The following WIPF3 variants were observed in gnomAD, a reference collection of about 807,000 sequenced individuals.
WIPF3 encodes WAS/WASL interacting protein family member 3.
In WIPF3, 33 loss-of-function variants were observed where a neutral mutation model predicts 38.9. The observed-to-expected ratio is 0.85, with a 90% CI of 0.64 to 1.14. The LOEUF (loss-of-function observed/expected upper bound fraction) is 1.14. Among genes scored for constraint, WIPF3 ranks in the 50% most tolerant of loss-of-function variants. WIPF3 has a pLI of 0.00. For synonymous variants in WIPF3, 324 were observed against 269.3 expected, an observed-to-expected ratio of 1.20 and a Z score of -1.99; for missense variants, 711 against 652.5, an observed-to-expected ratio of 1.09 and a Z score of -0.98.
intron 1 of WIPF3, among the ~76,000 whole-genome samples, chr7:29,807,426 C>G (rs1225200396): frequency 6.6e-6 from 1 of 152,178 alleles, no homozygotes; most frequent in Non-Finnish European, 1.5e-5. Flanking sequence ...TTCCCCCAGC[C>G]CCTGACACGC....
At chr7:29,811,693 C>G (rs1784381804) in intron 1 of WIPF3, among the ~76,000 whole-genome samples, 1 of 152,166 alleles carries the variant, frequency 6.6e-6, no homozygotes, top group South Asian at 2.1e-4. Flanking sequence ...TCAACATCAT[C>G]CCTGCCATAA....
chr7:29,895,562 A>G (rs1260398305), intron 7 of WIPF3, among the ~76,000 whole-genome samples: 1 of 152,236 alleles, frequency 6.6e-6, no homozygotes, highest in Non-Finnish European at 1.5e-5. Context: ...GTTATAAAGA[A>G]ATACTTGAAA....
chr7:29,872,028 A>G (rs1785504936), intron 2 of WIPF3, among the ~76,000 whole-genome samples: 1 of 152,202 alleles, frequency 6.6e-6, no homozygotes, highest in Non-Finnish European at 1.5e-5. Flanking sequence ...ACAAGAGTGA[A>G]CTTGGAAGTA....
At chr7:29,857,755 A>G (rs1785208807) in intron 2 of WIPF3, among the ~76,000 whole-genome samples, 1 of 152,150 alleles carries the variant, frequency 6.6e-6, no homozygotes, top group East Asian at 1.9e-4. Flanking sequence ...CTGTGTGTAT[A>G]TGTGATTTAA....
intron 2 of WIPF3, among the ~76,000 whole-genome samples, chr7:29,865,371 C>T (rs1314369983): frequency 2.6e-5 from 4 of 152,168 alleles, no homozygotes; most frequent in Non-Finnish European, 5.9e-5. Context: ...GAACTGACCC[C>T]TGAACTCAGC....
intron 4 of WIPF3, 30 bp from the exon 5 acceptor site, chr7:29,883,820 G>A: frequency 6.6e-7 from 1 of 1,511,086 alleles, no homozygotes; most frequent in Non-Finnish European, 8.9e-7. Flanking sequence ...CTTTATTGCC[G>A]AGCTAACCCA....
At chr7:29,864,909 G>A (rs1025728630) in intron 2 of WIPF3, among the ~76,000 whole-genome samples, 2 of 152,084 alleles carry the variant, frequency 1.3e-5, no homozygotes, top group African/African-American at 2.4e-5. Context: ...TCTTTTTATT[G>A]GATCTCTGGC....
chr7:29,833,303 G>A (rs1562773122), intron 1 of WIPF3, among the ~76,000 whole-genome samples: 1 of 152,230 alleles, frequency 6.6e-6, no homozygotes, highest in Non-Finnish European at 1.5e-5. Context: ...TACTTAAAAG[G>A]AGTTAAAATG....
chr7:29,857,411 A>G (rs1785203013), intron 2 of WIPF3, among the ~76,000 whole-genome samples: 2 of 152,284 alleles, frequency 1.3e-5, no homozygotes, highest in East Asian at 3.9e-4. Flanking sequence ...TTCCACAAAA[A>G]GTTGAGACAG....
Position 29,879,115 on chromosome 7 carries a change from A to T in WIPF3, c.330A>T (p.Arg110=). 2 of 1,612,512 alleles carry T rather than the reference A, an allele frequency of 1.2e-6. No homozygotes were observed. Among genetic ancestry groups the T allele is most frequent in the South Asian group, 1.1e-5 (1 of 90,748 alleles). Residue 110 remains arginine, a synonymous_variant, in exon 4 of 9, where the codon CGA becomes CGT. Transcript: ENST00000242140. ...DLFAGGFPVL[R]PAGQRDVAGG... ...TTGCTGGTGGCTTTCCTGTATTGCGACCAGCAGGCCAGCGGGATGTAGCAG... is the reference window on the plus strand; with the variant it reads ...TTGCTGGTGGCTTTCCTGTATTGCGTCCAGCAGGCCAGCGGGATGTAGCAG...
intron 2 of WIPF3, among the ~76,000 whole-genome samples, chr7:29,836,072 G>T (rs1179122988): frequency 6.6e-6 from 1 of 152,206 alleles, no homozygotes; most frequent in Non-Finnish European, 1.5e-5. Flanking sequence ...CTTGGCTCTT[G>T]CCCTGCAAGA....
rs760468615 is a variant in WIPF3 at position 29,875,850 on chromosome 7, C to A, written c.111C>A (p.Ser37Arg). Residue 37 changes from serine to arginine, a missense_variant, in exon 3 of 9, where the codon AGC (serine) becomes AGA (arginine). Coordinates refer to ENST00000242140, the MANE Select transcript of WIPF3 (RefSeq NM_001080529.3). ...SAPPVSTDTSSLRRADPKGRS... is the reference protein window; with the variant it reads ...SAPPVSTDTSRLRRADPKGRS... Reference sequence around the variant, plus strand: ...TACAGGTAAGCACAGACACCTCCAGCTTGCGAAGGGCAGATCCGAAAGGCC... The same window carrying A: ...TACAGGTAAGCACAGACACCTCCAGATTGCGAAGGGCAGATCCGAAAGGCC... 1 of 1,614,050 alleles carries A rather than the reference C, an allele frequency of 6.2e-7. No individual in the cohort carries two copies. The highest frequency in any genetic ancestry group is 8.5e-7 in the Non-Finnish European group (1 of 1,179,878).
intron 5 of WIPF3, among the ~76,000 whole-genome samples, chr7:29,887,222 G>A (rs1785901568): frequency 6.6e-6 from 1 of 152,174 alleles, no homozygotes; most frequent in Non-Finnish European, 1.5e-5. Flanking sequence ...TCAAAATAAG[G>A]GCAATTTCTA....
In WIPF3 at chr7:29,844,058, G is replaced by T. The variant is rs1377767701; in HGVS notation, c.90+9244G>T. Among the ~76,000 whole-genome samples the T allele has an allele frequency of 2.0e-5, 3 of 152,146 alleles. No homozygotes were observed. The highest frequency in any genetic ancestry group is 4.4e-5 in the Non-Finnish European group (3 of 68,032). ...TTAATAAAAGGACAGGTAACATGAA[G>T]TGAGAAAAACAGGATACATGTAGAC... On this transcript the variant is annotated intron_variant, in intron 2 of 8. Coordinates refer to ENST00000242140, the MANE Select transcript of WIPF3 (RefSeq NM_001080529.3). The surrounding 1 kb of genome is among the most constrained non-coding windows in gnomAD (Gnocchi z 4.8).
At position 29,884,386 on chromosome 7, in the gene WIPF3, C is replaced by CCCCCT. The variant is rs1562785891; in HGVS notation, c.893_894insCCCTC (p.Tyr299ProfsTer77). ...TCCCGCCCCGCCGCCCCCGCTCCCCCCTTATGCTTCTTGCTCCCCGAGGGC... is the reference window on the plus strand; with the variant it reads ...TCCCGCCCCGCCGCCCCCGCTCCCCCCCCCTCTTATGCTTCTTGCTCCCCGAGGGC... On this transcript the variant is annotated frameshift_variant, in exon 5 of 9. Coordinates refer to ENST00000242140, the MANE Select transcript of WIPF3 (RefSeq NM_001080529.3). LOFTEE classifies it high-confidence loss of function. The CCCCCT allele has an allele frequency of 6.7e-6, 10 of 1,498,246 alleles. No homozygotes were observed. Among genetic ancestry groups the CCCCCT allele is most frequent in the South Asian group, 3.9e-5 (3 of 77,218 alleles). The allele number at this position is 1,498,246 out of a possible 1,614,324, so 92.8% of individuals were successfully genotyped here. A position where few individuals can be genotyped will look rare whatever the true frequency, so the allele number is the denominator to read the frequency against.
At chr7:29,885,122 T>C (rs1785846460) in intron 5 of WIPF3, among the ~76,000 whole-genome samples, 2 of 152,228 alleles carry the variant, frequency 1.3e-5, no homozygotes, top group Non-Finnish European at 2.9e-5. Context: ...CCACTCTGCC[T>C]TAGTTTTCGC....
intron 2 of WIPF3, among the ~76,000 whole-genome samples, chr7:29,856,129 C>G (rs901290819): frequency 2.1e-4 from 32 of 152,186 alleles, no homozygotes; most frequent in Non-Finnish European, 2.9e-4. Context: ...TAAACCTACC[C>G]CACCCTACAT....
rs750508694 is a variant in WIPF3, at chr7:29,888,074, G to T, written c.1106G>T (p.Gly369Val). The change falls in exon 6 of 9, where the codon GGT (glycine) becomes GTT (valine). Residue 369 changes from glycine to valine, a missense_variant. Physicochemically the swap from Gly to Val is moderately radical, Grantham distance 109. Coordinates refer to ENST00000242140, the MANE Select transcript of WIPF3 (RefSeq NM_001080529.3). ...CCATCATCTTCTCTGTAAGGGGCCG[G>T]TGGGGGAAAGCTAAATCCACCTCCA... The part of the protein sequence containing the change: ...QKKRHGRPGA[G>V]GGKLNPPPAP... 1.2e-6 allele frequency: 2 copies of T among 1,613,944 alleles called. No homozygotes were observed. The highest frequency in any genetic ancestry group is 2.2e-5 in the South Asian group (2 of 91,072).
chr7:29,827,844 G>A (rs1042972588), intron 1 of WIPF3, among the ~76,000 whole-genome samples: 1 of 152,150 alleles, frequency 6.6e-6, no homozygotes, highest in Non-Finnish European at 1.5e-5. Context: ...GCCCAGGCTG[G>A]AGTGTAGTGG....
Sources: allele counts gnomAD v4.1 joint callset (sites outside exome capture counted in the v4.1 genomes callset), GRCh38; gene constraint gnomAD v4.1.1; non-coding constraint Gnocchi (gnomAD v3.1); transcripts MANE v1.5; gene names NCBI Gene and HGNC (gene_info 2026-07-23, HGNC 2026-07-21).